The following SPIDR variants were observed in gnomAD, a reference collection of about 807,000 sequenced individuals.
SPIDR encodes the protein scaffold protein involved in DNA repair, also known as DNA repair-scaffolding protein.
SPIDR carries 93 observed loss-of-function variants against 104.6 expected under a neutral mutation model. That is an observed-to-expected ratio of 0.89 (90% CI 0.75 to 1.06). The LOEUF (loss-of-function observed/expected upper bound fraction) is 1.06. SPIDR is among the 50% of genes least tolerant of loss of function. The pLI, the probability that SPIDR is intolerant of heterozygous loss-of-function variation, is 0.00. For synonymous variants in SPIDR, 431 were observed against 416.9 expected (o/e 1.03, Z -0.41); for missense variants, 1,154 against 1,111.2 (o/e 1.04, Z -0.55).
Position 47,306,201 on chromosome 8 carries a change from G to T in SPIDR, c.525+12171G>T, listed in dbSNP as rs1289637388. 1.3e-5 allele frequency among the ~76,000 whole-genome samples: 2 copies of T among 152,080 alleles called. 1 individual carries two copies. The highest frequency in any genetic ancestry group is 4.8e-5 in the African/African-American group (2 of 41,492). On this transcript the variant is annotated intron_variant, in intron 5 of 19. Coordinates refer to ENST00000297423, the MANE Select transcript of SPIDR (RefSeq NM_001080394.4). ...CTGTTGGCCAGGCTGGAGTGCAGTG[G>T]TGCGATCTTGACTCACTGCAACCTC...
chr8:47,641,708 C>A (rs1221260790), intron 10 of SPIDR, among the ~76,000 whole-genome samples: 3 of 152,260 alleles, frequency 2.0e-5, no homozygotes. Flanking sequence ...GATGAACACT[C>A]AAGGGATGGA....
chr8:47,629,091 A>G (rs750331818), intron 10 of SPIDR, among the ~76,000 whole-genome samples: 14 of 152,238 alleles, frequency 9.2e-5, no homozygotes, highest in Non-Finnish European at 1.8e-4. Context: ...CTCACAGTTT[A>G]GCTAGATGAC....
intron 8 of SPIDR, among the ~76,000 whole-genome samples, chr8:47,593,291 C>CT (rs1241526394): frequency 6.6e-6 from 1 of 151,886 alleles, no homozygotes; most frequent in Non-Finnish European, 1.5e-5. Context: ...CTTTCTCCTC[C>CT]TTTCTGCTGT....
In SPIDR at chr8:47,538,697, C is replaced by T. The variant is rs530983954; in HGVS notation, c.1098-57114C>T. On this transcript the variant is annotated intron_variant, in intron 8 of 19. Transcript: ENST00000297423. ...CTATAAATTTGATATAGCTCTCTGT[C>T]TTGCTTTATAAAATAGAGAGTAAAC... is the stretch of plus-strand genomic sequence containing the variant. Among the ~76,000 whole-genome samples, 273 of 151,920 alleles carry T rather than the reference C, an allele frequency of 1.8e-3. 1 individual carries two copies. The highest frequency in any genetic ancestry group is 5.0e-3 in the Admixed American group (76 of 15,258).
At chr8:47,308,110 G>A (rs1243920824) in intron 5 of SPIDR, among the ~76,000 whole-genome samples, 2 of 151,934 alleles carry the variant, frequency 1.3e-5, no homozygotes, top group Non-Finnish European at 2.9e-5. Context: ...TGCCCAGGCT[G>A]GAGTGCAGTG....
Position 47,470,327 on chromosome 8 carries a change from C to T in SPIDR, c.1097+29785C>T, listed in dbSNP as rs540785688. Among the ~76,000 whole-genome samples the T allele has an allele frequency of 8.5e-5, 13 of 152,160 alleles. No individual in the cohort carries two copies. In the South Asian group the frequency reaches 2.3e-3, roughly 27 times the overall value. On this transcript the variant is annotated intron_variant, in intron 8 of 19. Coordinates refer to ENST00000297423, the MANE Select transcript of SPIDR (RefSeq NM_001080394.4). ...TTTTTGAGATGGAATCTTGCTCTGC[C>T]GTCCAGCCTGGAGTGCAGCGACACG...
chr8:47,484,912 C>T (rs528231657), intron 8 of SPIDR, among the ~76,000 whole-genome samples: 1 of 152,326 alleles, frequency 6.6e-6, no homozygotes, highest in South Asian at 2.1e-4. Context: ...CTACAGCTCC[C>T]AGCATAAGCG....
chr8:47,398,364 T>C (rs2061476178), intron 6 of SPIDR, among the ~76,000 whole-genome samples: 1 of 151,976 alleles, frequency 6.6e-6, no homozygotes, highest in African/African-American at 2.4e-5. Flanking sequence ...GAGCCCCGCT[T>C]GTGTCGAGGG....
At chr8:47,670,641 C>T (rs1204857753) in intron 10 of SPIDR, among the ~76,000 whole-genome samples, 7 of 151,930 alleles carry the variant, frequency 4.6e-5, no homozygotes, top group South Asian at 4.1e-4. Flanking sequence ...GAAATTGTAC[C>T]GCATACACTA....
At chr8:47,577,178 A>G (rs1030295545) in intron 8 of SPIDR, among the ~76,000 whole-genome samples, 4 of 152,190 alleles carry the variant, frequency 2.6e-5, no homozygotes, top group Non-Finnish European at 4.4e-5. Flanking sequence ...TTTTTCTTCT[A>G]TCTCATGGAG....
At chr8:47,546,952 T>C in intron 8 of SPIDR, 1 of 490,134 alleles carries the variant, frequency 2.0e-6, no homozygotes, top group Non-Finnish European at 4.0e-6. Flanking sequence ...GCTGTTCCAT[T>C]GGCATCTTTC....
intron 8 of SPIDR, among the ~76,000 whole-genome samples, chr8:47,500,478 G>C (rs1295967507): frequency 6.6e-6 from 1 of 151,718 alleles, no homozygotes; most frequent in Non-Finnish European, 1.5e-5. Flanking sequence ...TCACCCACTT[G>C]TTGATAGGGT....
chr8:47,661,766 A>G (rs2074146419), intron 10 of SPIDR, among the ~76,000 whole-genome samples: 2 of 152,220 alleles, frequency 1.3e-5, no homozygotes, highest in Non-Finnish European at 2.9e-5. Flanking sequence ...CGTTCCTTAA[A>G]CAAAAATAAC....
chr8:47,313,010 A>T (rs587644964), intron 5 of SPIDR, among the ~76,000 whole-genome samples: 4 of 152,186 alleles, frequency 2.6e-5, no homozygotes, highest in Non-Finnish European at 4.4e-5. Flanking sequence ...CAAGACAGGG[A>T]TGCCCTCTCT....
At chr8:47,711,617 A>T (rs1343588876) in intron 14 of SPIDR, among the ~76,000 whole-genome samples, 1 of 152,130 alleles carries the variant, frequency 6.6e-6, no homozygotes, top group Admixed American at 6.5e-5. Context: ...CAGTGGACAG[A>T]GGAAGGAAAT....
chr8:47,724,472 C>T (rs2083906681), intron 16 of SPIDR, among the ~76,000 whole-genome samples: 1 of 152,172 alleles, frequency 6.6e-6, no homozygotes, highest in African/African-American at 2.4e-5. Flanking sequence ...AGCAGTTGCC[C>T]CCATCTCAGC....
chr8:47,340,604 A>G (rs1554613306), intron 5 of SPIDR, among the ~76,000 whole-genome samples: 1 of 152,122 alleles, frequency 6.6e-6, no homozygotes, highest in East Asian at 1.9e-4. Flanking sequence ...CGTGTGTGAA[A>G]AAACAAAACA....
intron 5 of SPIDR, among the ~76,000 whole-genome samples, chr8:47,355,090 G>A (rs969952543): frequency 4.6e-5 from 7 of 151,972 alleles, no homozygotes; most frequent in Admixed American, 2.0e-4. Context: ...TGAGTAGCTC[G>A]GATTACAGGC....
intron 5 of SPIDR, among the ~76,000 whole-genome samples, chr8:47,326,084 C>G (rs2047614898): frequency 6.6e-6 from 1 of 152,174 alleles, no homozygotes; most frequent in East Asian, 1.9e-4. Flanking sequence ...GCCTCCACCT[C>G]CCCAGTCTCA....
Sources: allele counts gnomAD v4.1 joint callset (sites outside exome capture counted in the v4.1 genomes callset), GRCh38; gene constraint gnomAD v4.1.1; transcripts MANE v1.5; gene names NCBI Gene and HGNC (gene_info 2026-07-23, HGNC 2026-07-21).